The following DENND4C variants were observed in gnomAD, a reference collection of about 807,000 sequenced individuals.
The protein encoded by DENND4C is DENN domain-containing protein 4C.
A neutral mutation model predicts 203.0 loss-of-function variants in DENND4C; 108 were observed. The observed-to-expected ratio is 0.53, with a 90% CI of 0.46 to 0.62. The LOEUF (loss-of-function observed/expected upper bound fraction) is 0.62, where lower values mean the gene tolerates loss of function less well. DENND4C is among the 20% of genes least tolerant of loss of function. The pLI, the probability that DENND4C is intolerant of heterozygous loss-of-function variation, is 0.00. For synonymous variants in DENND4C, 871 were observed against 792.4 expected (o/e 1.10, Z -1.67); for missense variants, 2,481 against 2,301.2 (o/e 1.08, Z -1.60).
At chr9:19,272,598 T>G (rs1394672675) in intron 1 of DENND4C, among the ~76,000 whole-genome samples, 1 of 151,846 alleles carries the variant, frequency 6.6e-6, no homozygotes, top group African/African-American at 2.4e-5. Context: ...AAATGGGATA[T>G]CCATATGTAA....
intron 10 of DENND4C, among the ~76,000 whole-genome samples, chr9:19,306,826 A>G (rs1044584792): frequency 2.0e-5 from 3 of 151,592 alleles, no homozygotes; most frequent in South Asian, 2.1e-4. Flanking sequence ...TGCCCAGGCA[A>G]CAGAGTTGCA....
chr9:19,328,263 G>C lies in DENND4C; in HGVS notation c.2253+101G>C, dbSNP rs919384188. 3 of 1,165,584 alleles carry C rather than the reference G, an allele frequency of 2.6e-6. No homozygotes were observed. In the African/African-American group the frequency reaches 4.8e-5, roughly 19 times the overall value. The allele number at this position is 1,165,584 out of a possible 1,614,324, so 72.2% of individuals were successfully genotyped here. A position where few individuals can be genotyped will look rare whatever the true frequency, so the allele number is the denominator to read the frequency against. Reference sequence around the variant, plus strand: ...GAATGATCACCCACAACAACCATTTGAAGACTCACTTTGGTTGTTATTGAA... The same window carrying C: ...GAATGATCACCCACAACAACCATTTCAAGACTCACTTTGGTTGTTATTGAA... On this transcript the variant is annotated intron_variant, in intron 16 of 32. Coordinates refer to ENST00000434457, the MANE Select transcript of DENND4C (RefSeq NM_001330640.2).
At position 19,336,269 on chromosome 9, in the gene DENND4C, G is replaced by A; in HGVS notation, c.2590-1G>A. 1.9e-6 allele frequency: 3 copies of A among 1,607,982 alleles called. No individual in the cohort carries two copies. Among genetic ancestry groups the A allele is most frequent in the Non-Finnish European group, 2.5e-6 (3 of 1,178,194 alleles). On this transcript the variant is annotated splice_acceptor_variant, in intron 18 of 32. Coordinates refer to ENST00000434457, the MANE Select transcript of DENND4C (RefSeq NM_001330640.2). LOFTEE classifies it high-confidence loss of function. ...TATTTTTACCCTTATTTTACCTTTA[G>A]GTAGTCTTGGAGAGCCCGTGGCCTA...
chr9:19,294,865 A>G (rs918159581), intron 5 of DENND4C, among the ~76,000 whole-genome samples: 5 of 152,172 alleles, frequency 3.3e-5, no homozygotes, highest in African/African-American at 4.8e-5. Context: ...AAAGTACAAT[A>G]GAGATTACCA....
At chr9:19,317,411 A>G (rs540879778) in intron 12 of DENND4C, among the ~76,000 whole-genome samples, 9 of 152,292 alleles carry the variant, frequency 5.9e-5, no homozygotes, top group African/African-American at 1.7e-4. Flanking sequence ...GTTCCAGGGA[A>G]AAACGTATAC....
At chr9:19,352,268 C>A in intron 25 of DENND4C, 86 bp downstream of exon 25, 3 of 1,267,592 alleles carry the variant, frequency 2.4e-6, no homozygotes, top group Non-Finnish European at 3.4e-6. Flanking sequence ...TCTAAGATAC[C>A]CTTGTGGACA....
At position 19,358,166 on chromosome 9, in the gene DENND4C, TAAC is replaced by T. The variant is rs775777216; in HGVS notation, c.5160+17_5160+19del. 1.1e-5 allele frequency: 17 copies of T among 1,594,872 alleles called. No homozygotes were observed. The highest frequency in any genetic ancestry group is 1.7e-5 in the Admixed American group (1 of 59,892). ...ATAGTCTGCAGGAAGTTGTGGTATGTAACAACAACAACATTGTAATTATACTGC... is the reference window on the plus strand; with the variant it reads ...ATAGTCTGCAGGAAGTTGTGGTATGTAACAACAACATTGTAATTATACTGC... On this transcript the variant is annotated splice_region_variant and intron_variant, in intron 28 of 32. Transcript: ENST00000434457. The surrounding 1 kb of genome is among the most constrained non-coding windows in gnomAD (Gnocchi z 4.8).
chr9:19,362,119 C>CA (rs1826624965), intron 30 of DENND4C, among the ~76,000 whole-genome samples, 156 bp downstream of exon 30: 1 of 152,026 alleles, frequency 6.6e-6, no homozygotes, highest in African/African-American at 2.4e-5. Context: ...ATTAAAAATA[C>CA]AAAACTTAGC....
rs1829256835 is a variant in DENND4C at position 19,373,968 on chromosome 9, TTTC to T, written c.*1796_*1798del. Among the ~76,000 whole-genome samples, 1 of 152,196 alleles carries T rather than the reference TTTC, an allele frequency of 6.6e-6. No homozygotes were observed. Among genetic ancestry groups the T allele is most frequent in the Admixed American group, 6.6e-5 (1 of 15,266 alleles). ...CAATTTGTCAGAAATTATGTACAAT[TTTC>T]ATTACCTTCAAAATGGATCTTTTGC... On this transcript the variant is annotated 3_prime_UTR_variant, in exon 33 of 33. Coordinates refer to ENST00000434457, the MANE Select transcript of DENND4C (RefSeq NM_001330640.2).
rs1459942867 is a variant in DENND4C, at chr9:19,290,777, C to T, written c.702C>T (p.Cys234=). The part of the protein sequence containing the change: ...PLSESDVPLF[C]LPMGATIECW... The stretch of plus-strand genomic sequence containing the variant: ...CAGAATCAGATGTACCTCTTTTCTG[C>T]CTTCCTATGGGAGCTACTATTGAGT... The change falls in exon 5 of 33, where the codon TGC becomes TGT. Residue 234 remains cysteine (C), a synonymous_variant. Coordinates refer to ENST00000434457, the MANE Select transcript of DENND4C (RefSeq NM_001330640.2). 1 of 1,604,832 alleles carries T rather than the reference C, an allele frequency of 6.2e-7. No individual in the cohort carries two copies. Among genetic ancestry groups the T allele is most frequent in the African/African-American group, 1.3e-5 (1 of 74,616 alleles).
chr9:19,305,946 T>G (rs1476109226), intron 10 of DENND4C, among the ~76,000 whole-genome samples: 1 of 152,192 alleles, frequency 6.6e-6, no homozygotes, highest in Non-Finnish European at 1.5e-5. Flanking sequence ...ACCATTTGCT[T>G]AGTTGTCGGG....
chr9:19,356,883 T>C, intron 26 of DENND4C, 89 bp from the exon 27 acceptor site: 1 of 1,230,630 alleles, frequency 8.1e-7, no homozygotes. Context: ...TAATGACTGC[T>C]TTAGCAATAA....
rs1381412906 is a variant in DENND4C, at chr9:19,373,210, ATTATCTTGCTTAATGGGTT to A, written c.*1046_*1064del. 2.0e-5 allele frequency: 3 copies of A among 152,176 alleles called. No homozygotes were observed. Among genetic ancestry groups the A allele is most frequent in the Non-Finnish European group, 1.5e-5 (1 of 68,028 alleles). 9.4% of individuals were successfully genotyped at this position (152,176 alleles called of 1,614,324 possible). On this transcript the variant is annotated 3_prime_UTR_variant, in exon 33 of 33. Coordinates refer to ENST00000434457, the MANE Select transcript of DENND4C (RefSeq NM_001330640.2). ...ACATAATACACCTTTCATATTATGT[ATTATCTTGCTTAATGGGTT>A]TTATCTTGATTATCCAGTTACTTCC...
Position 19,332,700 on chromosome 9 carries a change from C to G in DENND4C, c.2460+516C>G, listed in dbSNP as rs191169558. On this transcript the variant is annotated intron_variant, in intron 17 of 32. Coordinates refer to ENST00000434457, the MANE Select transcript of DENND4C (RefSeq NM_001330640.2). The stretch of plus-strand genomic sequence containing the variant: ...TTTAAAGAGATGGAGTCTCACTCCT[C>G]TCTCGCCCAGGCTGGAGTGCGGTTG... 1.9e-3 allele frequency among the ~76,000 whole-genome samples: 291 copies of G among 150,826 alleles called. 1 individual carries two copies. Among genetic ancestry groups the G allele is most frequent in the African/African-American group, 6.6e-3 (272 of 41,046 alleles).
chr9:19,344,156 G>C (rs1166029643), intron 22 of DENND4C, among the ~76,000 whole-genome samples: 1 of 152,104 alleles, frequency 6.6e-6, no homozygotes, highest in African/African-American at 2.4e-5. Flanking sequence ...ATCTAAGACA[G>C]CTTTTTTCCT....
chr9:19,276,964 A>G (rs764150812), intron 2 of DENND4C, among the ~76,000 whole-genome samples: 2 of 151,554 alleles, frequency 1.3e-5, no homozygotes, highest in African/African-American at 4.8e-5. Context: ...TAAGTGCTAC[A>G]GTTTTCATGA....
intron 1 of DENND4C, among the ~76,000 whole-genome samples, chr9:19,240,885 C>T (rs1012307876): frequency 4.6e-5 from 7 of 152,010 alleles, no homozygotes; most frequent in Admixed American, 2.0e-4. Context: ...GAGAATTGAA[C>T]CCAGGAGGCA....
In DENND4C at chr9:19,361,924, G is replaced by A. The variant is rs1428356554; in HGVS notation, c.5485G>A (p.Glu1829Lys). ...LLWDNINLHQ[E>K]PREPLYVSWR... Reference sequence around the variant, plus strand: ...ATGGGATAATATCAACCTTCATCAGGAACCAAGAGAACCTCTGTATGTCTC... The same window carrying A: ...ATGGGATAATATCAACCTTCATCAGAAACCAAGAGAACCTCTGTATGTCTC... Residue 1829 changes from glutamate (E) to lysine (K), a missense_variant, in exon 30 of 33, where the codon GAA becomes AAA. Glu to Lys is a moderately conservative substitution (Grantham distance 56). Around this residue, in one of 3 missense-constraint regions of DENND4C, gnomAD observed 2,289 missense variants for 2,113.3 expected, o/e 1.08. Transcript: ENST00000434457. 1.2e-6 allele frequency: 2 copies of A among 1,609,250 alleles called. No individual in the cohort carries two copies. Among genetic ancestry groups the A allele is most frequent in the Non-Finnish European group, 1.7e-6 (2 of 1,175,794 alleles).
At position 19,325,972 on chromosome 9, in the gene DENND4C, A is replaced by G. The variant is rs868813327; in HGVS notation, c.1987A>G (p.Lys663Glu). ...TGATAAAGGCACAGAGAAAACAGAT[A>G]AGGTATGTTTTTCTTAGATTTTAAG... ...FPDKGTEKTD[K>E]VDFDSAEDTR... The change falls in exon 14 of 33, where the codon AAG becomes GAG. Residue 663 changes from lysine (K) to glutamate (E), a missense_variant and splice_region_variant. This residue lies in a region of DENND4C where 2,289 missense variants were observed against 2,113.3 expected (regional missense o/e 1.08). Transcript: ENST00000434457. The G allele has an allele frequency of 1.2e-6, 2 of 1,609,280 alleles. No individual in the cohort carries two copies. Among genetic ancestry groups the G allele is most frequent in the African/African-American group, 1.3e-5 (1 of 74,676 alleles).
Sources: gnomAD v4.1 joint callset for allele counts (sites outside exome capture counted in the v4.1 genomes callset) on GRCh38, gnomAD v4.1.1 for gene constraint, gnomAD v4.1.1 regional missense constraint, Gnocchi (gnomAD v3.1) non-coding constraint, MANE v1.5 for transcripts, NCBI Gene and HGNC (gene_info 2026-07-23, HGNC 2026-07-21) for gene names.